The following SLC28A1 variants were observed in gnomAD, a reference collection of about 807,000 sequenced individuals.
SLC28A1 encodes the protein solute carrier family 28 member 1.
A neutral mutation model predicts 74.8 loss-of-function variants in SLC28A1; 64 were observed. That is an observed-to-expected ratio of 0.86 (90% CI 0.70 to 1.05). The LOEUF is 1.05. SLC28A1 is among the 50% of genes least tolerant of loss of function. SLC28A1 has a pLI of 0.00. For missense variants in SLC28A1, 828 were observed against 822.8 expected (o/e 1.01, Z -0.08); for synonymous variants, 359 against 335.0 (o/e 1.07, Z -0.78).
chr15:84,959,184 G>A, the SLC28A1 span, among the ~76,000 whole-genome samples: 1 of 150,902 alleles, frequency 6.6e-6, no homozygotes, highest in African/African-American at 2.4e-5. Flanking sequence ...GCTCATTGCA[G>A]CCTCGACCAT....
chr15:84,940,077 C>T (rs2142038848), intron 15 of SLC28A1, among the ~76,000 whole-genome samples: 1 of 152,292 alleles, frequency 6.6e-6, no homozygotes, highest in South Asian at 2.1e-4. Flanking sequence ...ATCCTTCTGC[C>T]CTGGCCTCCT....
At chr15:84,969,862 T>G in the SLC28A1 span, among the ~76,000 whole-genome samples, 3 of 152,160 alleles carry the variant, frequency 2.0e-5, no homozygotes, top group Non-Finnish European at 2.9e-5. Context: ...TTCTCTCTCG[T>G]CGAGCCTTGA....
In SLC28A1 at chr15:84,937,363, G is replaced by A. The variant is rs143012474; in HGVS notation, c.1581+1845G>A. On this transcript the variant is annotated intron_variant, in intron 15 of 18. Coordinates refer to ENST00000394573, the MANE Select transcript of SLC28A1 (RefSeq NM_004213.5). Reference sequence around the variant, plus strand: ...GACTGACTCCCACATGAGTCTTCACGTGGCTGCAGCAGCTGAAATCAGCAG... The same window carrying A: ...GACTGACTCCCACATGAGTCTTCACATGGCTGCAGCAGCTGAAATCAGCAG... Among the ~76,000 whole-genome samples the A allele has an allele frequency of 6.6e-4, 100 of 152,202 alleles. 1 individual carries two copies. The East Asian group carries it at 0.017, about 25-fold the overall frequency.
chr15:84,952,354 G>A, the SLC28A1 span, among the ~76,000 whole-genome samples: 2 of 152,230 alleles, frequency 1.3e-5, no homozygotes, highest in South Asian at 4.1e-4. Flanking sequence ...CAAGTAAGAA[G>A]GCAGTAACCC....
intron 8 of SLC28A1, among the ~76,000 whole-genome samples, chr15:84,906,528 G>GTTTGTTTC (rs1338402066): frequency 1.6e-5 from 1 of 61,996 alleles, no homozygotes; most frequent in East Asian, 3.4e-4. Flanking sequence ...TTGTTTGTTT[G>GTTTGTTTC]TTTCTTTCTT....
chr15:84,911,653 G>A (rs1414205935), intron 9 of SLC28A1, among the ~76,000 whole-genome samples: 4 of 152,128 alleles, frequency 2.6e-5, no homozygotes, highest in Non-Finnish European at 5.9e-5. Context: ...CTTGAGTTCA[G>A]GAGTTCGAGA....
chr15:84,955,812 ACT>A, the SLC28A1 span, among the ~76,000 whole-genome samples: 2 of 151,824 alleles, frequency 1.3e-5, no homozygotes, highest in Non-Finnish European at 2.9e-5. Flanking sequence ...AGGAGGAGTC[ACT>A]CTCTGTGTAA....
chr15:84,917,135 G>A (rs573851568), intron 9 of SLC28A1, among the ~76,000 whole-genome samples: 2 of 151,638 alleles, frequency 1.3e-5, no homozygotes, highest in Non-Finnish European at 2.9e-5. Context: ...CAAATCCTTT[G>A]GCTATTTGGG....
intron 12 of SLC28A1, among the ~76,000 whole-genome samples, chr15:84,931,421 C>T (rs1445728196): frequency 6.6e-6 from 1 of 150,948 alleles, no homozygotes; most frequent in African/African-American, 2.4e-5. Flanking sequence ...CCAAGGCAGG[C>T]AGATCACAAG....
At chr15:84,894,769 A>C (rs1965760925) in intron 5 of SLC28A1, among the ~76,000 whole-genome samples, 171 bp from the exon 6 acceptor site, 1 of 152,198 alleles carries the variant, frequency 6.6e-6, no homozygotes, top group Non-Finnish European at 1.5e-5. Context: ...TTTTTGGCAC[A>C]GTAGCGGTGG....
At chr15:84,930,562 G>A (rs752482113) in intron 12 of SLC28A1, among the ~76,000 whole-genome samples, 2 of 151,784 alleles carry the variant, frequency 1.3e-5, no homozygotes, top group Non-Finnish European at 2.9e-5. Flanking sequence ...TCAGCAGCAG[G>A]CCTGGCACTT....
At chr15:84,949,377 G>C (rs950193921), downstream of SLC28A1, among the ~76,000 whole-genome samples, 1 of 152,098 alleles carries the variant, frequency 6.6e-6, no homozygotes, top group Non-Finnish European at 1.5e-5. Flanking sequence ...ATTAGGAAGG[G>C]TGTTTTGCTT....
chr15:84,969,265 C>A, the SLC28A1 span, among the ~76,000 whole-genome samples: 1 of 152,114 alleles, frequency 6.6e-6, no homozygotes, highest in East Asian at 1.9e-4. Flanking sequence ...CCACCACGGG[C>A]CAGGAGAGCA....
intron 6 of SLC28A1, chr15:84,895,730 G>A (rs181784378): frequency 1.6e-6 from 2 of 1,286,204 alleles, no homozygotes; most frequent in African/African-American, 3.1e-5. Context: ...ATAAGCCAAG[G>A]TTCACACAAA....
intron 12 of SLC28A1, 39 bp from the exon 13 acceptor site, chr15:84,933,106 C>T: frequency 1.2e-6 from 2 of 1,610,074 alleles, no homozygotes; most frequent in Non-Finnish European, 8.5e-7. Context: ...AGCATTTCTT[C>T]TGACTGTCCA....
At chr15:84,962,473 C>T in the SLC28A1 span, among the ~76,000 whole-genome samples, 14 of 149,384 alleles carry the variant, frequency 9.4e-5, no homozygotes, top group Non-Finnish European at 1.6e-4. Flanking sequence ...AGTCTTGCTC[C>T]GTCGCCCAGG....
the SLC28A1 span, among the ~76,000 whole-genome samples, chr15:84,974,895 C>A: frequency 6.6e-6 from 1 of 152,114 alleles, no homozygotes; most frequent in Non-Finnish European, 1.5e-5. Context: ...ACTTCTGGGG[C>A]CTCAGCATTT....
intron 9 of SLC28A1, among the ~76,000 whole-genome samples, chr15:84,912,804 G>GTGCACACACA (rs1289771401): frequency 1.7e-5 from 1 of 58,656 alleles, no homozygotes. Flanking sequence ...TTTTGCGCGC[G>GTGCACACACA]CGCACACACA....
the SLC28A1 span, among the ~76,000 whole-genome samples, chr15:84,967,424 C>A: frequency 6.6e-6 from 1 of 152,332 alleles, no homozygotes; most frequent in South Asian, 2.1e-4. Flanking sequence ...TTGAAAGCCA[C>A]TGGTTCTTAA....
Sources: allele counts gnomAD v4.1 joint callset (sites outside exome capture counted in the v4.1 genomes callset), GRCh38; gene constraint gnomAD v4.1.1; transcripts MANE v1.5; gene names NCBI Gene and HGNC (gene_info 2026-07-23, HGNC 2026-07-21).